The following PLCXD3 variants were observed in gnomAD, a reference collection of about 807,000 sequenced individuals.
The protein encoded by PLCXD3 is PI-PLC X domain-containing protein 3.
PLCXD3 carries 19 observed loss-of-function variants against 25.5 expected under a neutral mutation model. The observed-to-expected ratio is 0.75, with a 90% CI of 0.52 to 1.09. PLCXD3 has a LOEUF of 1.09. PLCXD3 is among the 50% of genes least tolerant of loss of function. PLCXD3 has a pLI of 0.00. For synonymous variants in PLCXD3, 174 were observed against 137.6 expected (o/e 1.26, Z -1.85); for missense variants, 411 against 388.1 (o/e 1.06, Z -0.50).
intron 1 of PLCXD3, among the ~76,000 whole-genome samples, chr5:41,438,822 T>A (rs2150510969): frequency 6.6e-6 from 1 of 151,750 alleles, no homozygotes; most frequent in East Asian, 1.9e-4. Context: ...AAAAAAACTT[T>A]ACAAACTATC....
chr5:41,443,602 G>A (rs2150512227), intron 1 of PLCXD3, among the ~76,000 whole-genome samples: 1 of 152,260 alleles, frequency 6.6e-6, no homozygotes, highest in South Asian at 2.1e-4. Flanking sequence ...TTATTATTAG[G>A]AGAGACAGAG....
At chr5:41,361,075 C>T (rs1302835661) in intron 2 of PLCXD3, among the ~76,000 whole-genome samples, 1 of 151,718 alleles carries the variant, frequency 6.6e-6, no homozygotes, top group East Asian at 1.9e-4. Flanking sequence ...GTGGGGCTTG[C>T]TGTGGCTGCT....
At chr5:41,400,605 A>G (rs975760821) in intron 1 of PLCXD3, among the ~76,000 whole-genome samples, 2 of 152,066 alleles carry the variant, frequency 1.3e-5, no homozygotes, top group African/African-American at 4.8e-5. Context: ...CAAACACTGC[A>G]TGTTCTTACT....
At chr5:41,462,188 C>G (rs966925407) in intron 1 of PLCXD3, among the ~76,000 whole-genome samples, 2 of 151,986 alleles carry the variant, frequency 1.3e-5, no homozygotes, top group Admixed American at 1.3e-4. Flanking sequence ...GCTCCTAGTC[C>G]AGATTCAGTT....
In PLCXD3 at chr5:41,310,323, CT is replaced by C. The variant is rs1306931349; in HGVS notation, c.*3293del. On this transcript the variant is annotated 3_prime_UTR_variant, in exon 3 of 3. Coordinates refer to ENST00000377801, the MANE Select transcript of PLCXD3 (RefSeq NM_001005473.3). ...AAAATGATCTCTTTGCATATTTTCTCTCATTCCACCCACTCCTTTGATTTCC... is the reference window on the plus strand; with the variant it reads ...AAAATGATCTCTTTGCATATTTTCTCCATTCCACCCACTCCTTTGATTTCC... 6.6e-6 allele frequency: 1 copy of C among 152,102 alleles called. No homozygotes were observed. The highest frequency in any genetic ancestry group is 2.4e-5 in the African/African-American group (1 of 41,420). The allele number at this position is 152,102 out of a possible 1,614,324, so 9.4% of individuals were successfully genotyped here.
intron 2 of PLCXD3, among the ~76,000 whole-genome samples, chr5:41,362,978 A>AT (rs893499258): frequency 3.0e-4 from 46 of 151,720 alleles, no homozygotes; most frequent in African/African-American, 6.3e-4. Context: ...ATATGATCAG[A>AT]TTTTTTTTTA....
intron 2 of PLCXD3, among the ~76,000 whole-genome samples, chr5:41,352,227 A>T (rs1054928974): frequency 2.6e-5 from 4 of 152,126 alleles, no homozygotes; most frequent in African/African-American, 9.7e-5. Context: ...CCCCCATATG[A>T]GTTTAGTTTA....
chr5:41,470,488 T>A (rs1366301755), intron 1 of PLCXD3, among the ~76,000 whole-genome samples: 1 of 152,188 alleles, frequency 6.6e-6, no homozygotes, highest in African/African-American at 2.4e-5. Flanking sequence ...TAGATCCACA[T>A]GGCTCTTCCT....
At chr5:41,490,925 T>G (rs1176481964) in intron 1 of PLCXD3, among the ~76,000 whole-genome samples, 1 of 152,304 alleles carries the variant, frequency 6.6e-6, no homozygotes, top group Middle Eastern at 3.4e-3. Flanking sequence ...TTTTTGTGTC[T>G]CTATTTCCTT....
At chr5:41,423,082 TTTC>T (rs1028837574) in intron 1 of PLCXD3, among the ~76,000 whole-genome samples, 4 of 152,158 alleles carry the variant, frequency 2.6e-5, no homozygotes, top group African/African-American at 9.6e-5. Context: ...CAAATTATTT[TTTC>T]TTTTTTTATC....
In PLCXD3 at chr5:41,310,226, C is replaced by T. The variant is rs969717371; in HGVS notation, c.*3391G>A. 2.6e-5 allele frequency: 4 copies of T among 152,120 alleles called. No homozygotes were observed. The highest frequency in any genetic ancestry group is 9.7e-5 in the African/African-American group (4 of 41,426). The allele number at this position is 152,120 out of a possible 1,614,324, so 9.4% of individuals were successfully genotyped here. On this transcript the variant is annotated 3_prime_UTR_variant, in exon 3 of 3. Transcript: ENST00000377801. ...CATTATTGTGTGGTAAATAGGGAGA[C>T]ATAAATGATAATGGCAGAAGAAAAA...
At chr5:41,475,720 G>C in intron 1 of PLCXD3, 1 of 534,708 alleles carries the variant, frequency 1.9e-6, no homozygotes, top group South Asian at 1.4e-5. Flanking sequence ...GTTACTACTT[G>C]AGACTGTCAT....
In PLCXD3 at chr5:41,475,749, T is replaced by C. The variant is rs112273513; in HGVS notation, c.103+34675A>G. The C allele has an allele frequency of 7.0e-3, 3,741 of 534,376 alleles. 35 individuals carry two copies. Among genetic ancestry groups the C allele is most frequent in the Middle Eastern group, 0.011 (34 of 3,126 alleles). The allele number at this position is 534,376 out of a possible 1,614,324, so 33.1% of individuals were successfully genotyped here. ...CTGTCATTACAAGAGTTACTTCTGT[T>C]ACTACTTGAGACCATCATTACAGCA... On this transcript the variant is annotated intron_variant, in intron 1 of 2. Transcript: ENST00000377801.
intron 1 of PLCXD3, among the ~76,000 whole-genome samples, chr5:41,492,177 T>A (rs1428400918): frequency 5.9e-5 from 9 of 152,206 alleles, no homozygotes; most frequent in Non-Finnish European, 1.2e-4. Flanking sequence ...AGTATTTTAT[T>A]TCTCCTTCAC....
intron 2 of PLCXD3, among the ~76,000 whole-genome samples, chr5:41,364,569 A>G (rs948198174): frequency 1.3e-5 from 2 of 152,186 alleles, no homozygotes; most frequent in Non-Finnish European, 2.9e-5. Flanking sequence ...TGTGCTCTTT[A>G]GGGAGATGTG....
chr5:41,355,860 C>G (rs1672357206), intron 2 of PLCXD3, among the ~76,000 whole-genome samples: 1 of 152,146 alleles, frequency 6.6e-6, no homozygotes, highest in Non-Finnish European at 1.5e-5. Context: ...CTTCTGCTCA[C>G]CACCATCAAA....
intron 1 of PLCXD3, among the ~76,000 whole-genome samples, chr5:41,486,357 T>A (rs944228448): frequency 1.4e-4 from 22 of 152,116 alleles, no homozygotes; most frequent in Non-Finnish European, 1.3e-4. Context: ...TGTCACTATG[T>A]CTGTCTGGCT....
intron 2 of PLCXD3, among the ~76,000 whole-genome samples, chr5:41,358,173 T>G (rs927799000): frequency 6.6e-6 from 1 of 152,182 alleles, no homozygotes; most frequent in Non-Finnish European, 1.5e-5. Flanking sequence ...GAATTTTATT[T>G]TAATTTTACA....
At chr5:41,405,163 A>T (rs1746313997) in intron 1 of PLCXD3, among the ~76,000 whole-genome samples, 1 of 152,134 alleles carries the variant, frequency 6.6e-6, no homozygotes, top group Admixed American at 6.6e-5. Context: ...CCACCTATGA[A>T]CCAAAAAGAG....
Sources: gnomAD v4.1 joint callset for allele counts (sites outside exome capture counted in the v4.1 genomes callset) on GRCh38, gnomAD v4.1.1 for gene constraint, MANE v1.5 for transcripts, NCBI Gene and HGNC (gene_info 2026-07-23, HGNC 2026-07-21) for gene names.